The following SGMS1 variants were observed in gnomAD, a reference collection of about 807,000 sequenced individuals.
SGMS1 encodes the protein sphingomyelin synthase 1, also known as phosphatidylcholine:ceramide cholinephosphotransferase 1.
Under a neutral mutation model 46.2 loss-of-function variants are expected in SGMS1, and 13 were observed. The observed-to-expected ratio is 0.28, with a 90% CI of 0.18 to 0.45. SGMS1 has a LOEUF of 0.45. Ranked by LOEUF, SGMS1 falls within the 20% of genes least tolerant of loss-of-function variation. SGMS1 has a pLI of 1.00. For synonymous variants in SGMS1, 203 were observed against 187.8 expected (o/e 1.08, Z -0.66); for missense variants, 324 against 519.9 (o/e 0.62, Z 3.66).
Position 50,550,388 on chromosome 10 carries a change from A to G in SGMS1, c.-588-30467T>C, listed in dbSNP as rs1838138054. 2.6e-5 allele frequency among the ~76,000 whole-genome samples: 4 copies of G among 152,196 alleles called. No homozygotes were observed. The South Asian group carries it at 8.3e-4, about 32-fold the overall frequency. ...AGCAACTGCAAGTTCTAATCCCTCTATCTAATTTGCATGAAGCTGCGGACT... is the reference window on the plus strand; with the variant it reads ...AGCAACTGCAAGTTCTAATCCCTCTGTCTAATTTGCATGAAGCTGCGGACT... On this transcript the variant is annotated intron_variant, in intron 2 of 10. Coordinates refer to ENST00000361781, the MANE Select transcript of SGMS1 (RefSeq NM_147156.4).
chr10:50,611,397 A>G (rs1429980076), intron 1 of SGMS1, among the ~76,000 whole-genome samples: 2 of 152,188 alleles, frequency 1.3e-5, no homozygotes, highest in African/African-American at 4.8e-5. Flanking sequence ...CACTGCCCCA[A>G]AAGGATTTAA....
intron 7 of SGMS1, among the ~76,000 whole-genome samples, 199 bp from the exon 8 acceptor site, chr10:50,327,521 T>C (rs1480676440): frequency 6.6e-6 from 1 of 152,200 alleles, no homozygotes; most frequent in African/African-American, 2.4e-5. Flanking sequence ...TTAAAAAATA[T>C]ATTAACTGGC....
chr10:50,313,548 CATT>C (rs950194256), intron 8 of SGMS1, among the ~76,000 whole-genome samples: 1 of 152,128 alleles, frequency 6.6e-6, no homozygotes, highest in African/African-American at 2.4e-5. Flanking sequence ...CCTGCATAAA[CATT>C]ATAATTTTTT....
chr10:50,505,754 G>T (rs969713735), intron 3 of SGMS1, among the ~76,000 whole-genome samples: 2 of 152,154 alleles, frequency 1.3e-5, no homozygotes, highest in African/African-American at 4.8e-5. Flanking sequence ...AAGGGTGCAG[G>T]GATGGGAGGG....
chr10:50,343,356 G>T (rs1847850837), intron 7 of SGMS1, 136 bp downstream of exon 7: 2 of 943,834 alleles, frequency 2.1e-6, no homozygotes, highest in Non-Finnish European at 3.0e-6. Context: ...GTCCAACAGG[G>T]TATGTGTTTA....
intron 6 of SGMS1, among the ~76,000 whole-genome samples, chr10:50,433,165 G>A (rs1428248988): frequency 6.6e-6 from 1 of 152,180 alleles, no homozygotes; most frequent in African/African-American, 2.4e-5. Context: ...CATATCCTAA[G>A]GGTTATTCCA....
intron 2 of SGMS1, among the ~76,000 whole-genome samples, chr10:50,585,543 A>C (rs1246807595): frequency 6.6e-6 from 1 of 152,224 alleles, no homozygotes; most frequent in Non-Finnish European, 1.5e-5. Context: ...TTTTTATTCT[A>C]AAAGCAGCTA....
intron 3 of SGMS1, among the ~76,000 whole-genome samples, chr10:50,481,752 C>T (rs918487207): frequency 6.6e-6 from 1 of 152,022 alleles, no homozygotes; most frequent in African/African-American, 2.4e-5. Flanking sequence ...ATGTTCTAAC[C>T]CAATGCAAAA....
intron 3 of SGMS1, among the ~76,000 whole-genome samples, chr10:50,478,924 C>A (rs1837452304): frequency 6.6e-6 from 1 of 151,900 alleles, no homozygotes; most frequent in South Asian, 2.1e-4. Context: ...GTACAGGAAC[C>A]ACCTTGATCA....
At chr10:50,408,440 A>C (rs558764536) in intron 6 of SGMS1, among the ~76,000 whole-genome samples, 4,446 of 149,848 alleles carry the variant, frequency 0.03, 195 homozygotes, top group African/African-American at 0.1. Context: ...TTAAAAAAAA[A>C]AAAAAAAAAA....
chr10:50,592,185 C>G (rs1838548184), intron 1 of SGMS1, among the ~76,000 whole-genome samples: 1 of 152,048 alleles, frequency 6.6e-6, no homozygotes, highest in African/African-American at 2.4e-5. Flanking sequence ...AAGAGCCAAA[C>G]AAAGCTAAAG....
intron 3 of SGMS1, among the ~76,000 whole-genome samples, chr10:50,502,652 A>G (rs1837671467): frequency 6.6e-6 from 1 of 152,202 alleles, no homozygotes; most frequent in Non-Finnish European, 1.5e-5. Context: ...TTGTCACAGG[A>G]AAATATTAGG....
chr10:50,379,129 AT>A (rs1339205563), intron 6 of SGMS1, among the ~76,000 whole-genome samples: 1 of 152,212 alleles, frequency 6.6e-6, no homozygotes, highest in Non-Finnish European at 1.5e-5. Context: ...GCAATGTGAC[AT>A]TATTTACCAA....
intron 6 of SGMS1, among the ~76,000 whole-genome samples, chr10:50,346,653 A>C (rs893757934): frequency 6.6e-6 from 1 of 151,804 alleles, no homozygotes; most frequent in Non-Finnish European, 1.5e-5. Flanking sequence ...AGGCTGTCCT[A>C]CTCCTTGCCC....
chr10:50,460,369 G>A (rs944784714), intron 5 of SGMS1, among the ~76,000 whole-genome samples: 1 of 152,170 alleles, frequency 6.6e-6, no homozygotes, highest in African/African-American at 2.4e-5. Flanking sequence ...CAGGAAAGAA[G>A]GCAATGAGGT....
At chr10:50,499,720 T>C (rs1837645344) in intron 3 of SGMS1, among the ~76,000 whole-genome samples, 1 of 152,256 alleles carries the variant, frequency 6.6e-6, no homozygotes, top group Non-Finnish European at 1.5e-5. Context: ...TATTTTAAGT[T>C]ATACTTAATT....
rs1297384513 is a variant in SGMS1 at position 50,527,086 on chromosome 10, AAAAG to A, written c.-588-7169_-588-7166del. 1.8e-3 allele frequency among the ~76,000 whole-genome samples: 254 copies of A among 144,666 alleles called. 2 individuals are homozygous for A. Among genetic ancestry groups the A allele is most frequent in the African/African-American group, 6.5e-3 (238 of 36,466 alleles). 94.9% of individuals were successfully genotyped at this position (144,666 alleles called of 152,430 possible). On this transcript the variant is annotated intron_variant, in intron 2 of 10. Transcript: ENST00000361781. ...CTCAAAAAAAAAAAAAAAAAAAAAA[AAAAG>A]AAAGAAAGAAAAGAAAAAGAACTGG...
intron 8 of SGMS1, among the ~76,000 whole-genome samples, chr10:50,314,987 G>A (rs1395198226): frequency 6.6e-6 from 1 of 152,132 alleles, no homozygotes; most frequent in Non-Finnish European, 1.5e-5. Flanking sequence ...TCAAAACCTG[G>A]TCTTTCTAGG....
chr10:50,319,969 G>C (rs1466156932), intron 8 of SGMS1, among the ~76,000 whole-genome samples: 1 of 152,156 alleles, frequency 6.6e-6, no homozygotes. Context: ...TACTGTAGTG[G>C]TTGCAAAATA....
Sources: allele counts gnomAD v4.1 joint callset (sites outside exome capture counted in the v4.1 genomes callset), GRCh38; gene constraint gnomAD v4.1.1; transcripts MANE v1.5; gene names NCBI Gene and HGNC (gene_info 2026-07-23, HGNC 2026-07-21).